The following ATP10B variants were observed in gnomAD, a reference collection of about 807,000 sequenced individuals.
ATP10B encodes the protein ATPase phospholipid transporting 10B (putative).
ATP10B carries 122 observed loss-of-function variants against 141.2 expected under a neutral mutation model. That is an observed-to-expected ratio of 0.86 (90% confidence interval 0.75 to 1.00). The LOEUF (loss-of-function observed/expected upper bound fraction) is 1.00, where lower values mean the gene tolerates loss of function less well. Among genes scored for constraint, ATP10B ranks in the 50% least tolerant of loss-of-function variants. ATP10B has a pLI of 0.00. For missense variants in ATP10B, 1,876 were observed against 1,825.3 expected (o/e 1.03, Z -0.51); for synonymous variants, 685 against 692.0 (o/e 0.99, Z 0.16).
intron 24 of ATP10B, among the ~76,000 whole-genome samples, chr5:160,579,304 CTTACAT>C (rs1259467603): frequency 6.6e-6 from 1 of 152,134 alleles, no homozygotes; most frequent in Non-Finnish European, 1.5e-5. Context: ...GGTTTTAGGT[CTTACAT>C]TTAAGTCATT....
chr5:160,792,267 A>C (rs1771627527), intron 1 of ATP10B, among the ~76,000 whole-genome samples: 1 of 152,184 alleles, frequency 6.6e-6, no homozygotes, highest in African/African-American at 2.4e-5. Context: ...CAATGCCTCA[A>C]ACACAGCATG....
chr5:160,637,499 A>C (rs551893656), intron 10 of ATP10B, among the ~76,000 whole-genome samples: 2 of 152,330 alleles, frequency 1.3e-5, no homozygotes, highest in Non-Finnish European at 1.5e-5. Context: ...GAGAGGTGCA[A>C]TAGCAGAGCC....
At chr5:160,876,877 A>C in the ATP10B span, among the ~76,000 whole-genome samples, 1 of 145,920 alleles carries the variant, frequency 6.9e-6, no homozygotes, top group Non-Finnish European at 1.5e-5. Context: ...AGGAGCTGAA[A>C]TTGTGGCAAT....
the ATP10B span, among the ~76,000 whole-genome samples, chr5:160,906,473 G>A: frequency 6.6e-6 from 1 of 152,294 alleles, no homozygotes; most frequent in East Asian, 1.9e-4. Context: ...TCAGTGAAAG[G>A]TGTCTTTAGG....
At chr5:160,921,428 A>G in the ATP10B span, among the ~76,000 whole-genome samples, 6 of 152,198 alleles carry the variant, frequency 3.9e-5, no homozygotes, top group Non-Finnish European at 5.9e-5. Flanking sequence ...CACATTCACA[A>G]TGTTGTGCAA....
the ATP10B span, among the ~76,000 whole-genome samples, chr5:160,887,677 T>C: frequency 6.6e-6 from 1 of 152,194 alleles, no homozygotes; most frequent in Non-Finnish European, 1.5e-5. Flanking sequence ...CTCCTGACTA[T>C]TCTTTGGATA....
At chr5:160,588,395 G>GGT (rs1304528579) in intron 24 of ATP10B, among the ~76,000 whole-genome samples, 2 of 152,098 alleles carry the variant, frequency 1.3e-5, no homozygotes, top group Non-Finnish European at 2.9e-5. Flanking sequence ...TGATAGTGGT[G>GGT]GTGGGAGGCT....
chr5:160,684,999 C>T (rs775795047), intron 6 of ATP10B: 33 of 703,250 alleles, frequency 4.7e-5, no homozygotes, highest in Admixed American at 6.0e-5. Flanking sequence ...AATTCAGAAC[C>T]GCAATGCCCA....
the ATP10B span, among the ~76,000 whole-genome samples, chr5:160,880,647 A>G: frequency 6.6e-6 from 1 of 152,210 alleles, no homozygotes; most frequent in Non-Finnish European, 1.5e-5. Flanking sequence ...ATGTATATAT[A>G]CAATCAGCTG....
chr5:160,813,841 G>A (rs191623323), intron 1 of ATP10B, among the ~76,000 whole-genome samples: 656 of 152,310 alleles, frequency 4.3e-3, no homozygotes, highest in Non-Finnish European at 7.0e-3. Context: ...CTGCTGTTCT[G>A]CAGCCTCCAC....
At chr5:160,779,711 T>C (rs567929457) in intron 2 of ATP10B, among the ~76,000 whole-genome samples, 3 of 152,308 alleles carry the variant, frequency 2.0e-5, no homozygotes, top group African/African-American at 7.2e-5. Flanking sequence ...TCCTGACCCA[T>C]AGAAACTGTA....
At chr5:160,696,962 A>G (rs964128658) in intron 3 of ATP10B, among the ~76,000 whole-genome samples, 1 of 152,228 alleles carries the variant, frequency 6.6e-6, no homozygotes, top group African/African-American at 2.4e-5. Context: ...CCATTTACAG[A>G]GGAAGAAACA....
At chr5:160,664,634 T>G (rs1017304509) in intron 7 of ATP10B, among the ~76,000 whole-genome samples, 1 of 152,188 alleles carries the variant, frequency 6.6e-6, no homozygotes, top group Non-Finnish European at 1.5e-5. Flanking sequence ...CAGTCTGGGA[T>G]GGGGCCTGAG....
chr5:160,777,137 A>G (rs542898344), intron 2 of ATP10B, among the ~76,000 whole-genome samples: 8 of 152,326 alleles, frequency 5.3e-5, no homozygotes, highest in Non-Finnish European at 7.3e-5. Flanking sequence ...CCAGAGTAAC[A>G]AGGATATTCA....
At chr5:160,756,252 C>T (rs192597114) in intron 2 of ATP10B, among the ~76,000 whole-genome samples, 1 of 151,782 alleles carries the variant, frequency 6.6e-6, no homozygotes, top group Non-Finnish European at 1.5e-5. Context: ...TCTTATTGTA[C>T]AGATATACCA....
At chr5:160,858,571 C>T in the ATP10B span, among the ~76,000 whole-genome samples, 53 of 151,962 alleles carry the variant, frequency 3.5e-4, no homozygotes, top group African/African-American at 1.2e-3. Flanking sequence ...GGCCCCAAAC[C>T]CCATGTTTTA....
chr5:160,870,872 C>A, the ATP10B span, among the ~76,000 whole-genome samples: 11 of 152,136 alleles, frequency 7.2e-5, no homozygotes, highest in Admixed American at 3.3e-4. Flanking sequence ...TAGAATGAAG[C>A]AAAGAATTAC....
chr5:160,576,608 G>A (rs1755204854), intron 24 of ATP10B, among the ~76,000 whole-genome samples: 2 of 152,210 alleles, frequency 1.3e-5, no homozygotes, highest in Admixed American at 1.3e-4. Context: ...AGGGGTTACA[G>A]AATCCAGCCT....
In ATP10B at chr5:160,569,579, G is replaced by A. The variant is rs1754749976; in HGVS notation, c.3855C>T (p.Pro1285=). 6.2e-7 allele frequency: 1 copy of A among 1,613,908 alleles called. No homozygotes were observed. Among genetic ancestry groups the A allele is most frequent in the African/African-American group, 1.3e-5 (1 of 75,038 alleles). The change falls in exon 25 of 26, where the codon CCC becomes CCT. Residue 1285 remains proline, a synonymous_variant. Coordinates refer to ENST00000327245, the MANE Select transcript of ATP10B (RefSeq NM_025153.3). The part of the protein sequence containing the change: ...TCVICNSPTN[P]YWVMEGQLSN... ...AGAGCTGGCCTTCCATCACCCAATA[G>A]GGATTGGTGGGGCTGTTGCAGATGA...
Sources: allele counts gnomAD v4.1 joint callset (sites outside exome capture counted in the v4.1 genomes callset), GRCh38; gene constraint gnomAD v4.1.1; transcripts MANE v1.5; gene names NCBI Gene and HGNC (gene_info 2026-07-23, HGNC 2026-07-21).